RPGRIP1L: variants seen among roughly 807,000 people sequenced by gnomAD.
The protein encoded by RPGRIP1L is RPGRIP1 like.
In RPGRIP1L, 131 loss-of-function variants were observed where a neutral mutation model predicts 160.4. The observed-to-expected ratio is 0.82, with a 90% CI of 0.71 to 0.94. The LOEUF (loss-of-function observed/expected upper bound fraction) is 0.94, where lower values mean the gene tolerates loss of function less well. Ranked by LOEUF, RPGRIP1L falls within the 40% of genes least tolerant of loss-of-function variation. The pLI, the probability that RPGRIP1L is intolerant of heterozygous loss-of-function variation, is 0.00. For missense variants in RPGRIP1L, 1,522 were observed against 1,535.8 expected, an observed-to-expected ratio of 0.99 and a Z score of 0.15; for synonymous variants, 510 against 515.8, an observed-to-expected ratio of 0.99 and a Z score of 0.15.
intron 3 of RPGRIP1L, chr16:53,695,547 C>A (rs1970691784): frequency 6.4e-6 from 4 of 628,246 alleles, no homozygotes; most frequent in Non-Finnish European, 8.5e-6. Flanking sequence ...AAAATAGGCA[C>A]AGCATTTCTG....
chr16:53,698,334 C>T (rs865956623), intron 2 of RPGRIP1L, among the ~76,000 whole-genome samples: 5 of 143,104 alleles, frequency 3.5e-5, no homozygotes, highest in Admixed American at 2.0e-4. Context: ...GTCAGCCCCC[C>T]GCCCGGCCAG....
At chr16:53,617,194 A>G (rs1964441877) in intron 24 of RPGRIP1L, among the ~76,000 whole-genome samples, 2 of 151,964 alleles carry the variant, frequency 1.3e-5, no homozygotes, top group South Asian at 4.1e-4. Flanking sequence ...AGTTTGAGCT[A>G]AAGAAAGATT....
Position 53,697,269 on chromosome 16 carries a change from C to G in RPGRIP1L, c.86-974G>C, listed in dbSNP as rs144414599. Among the ~76,000 whole-genome samples, 789 of 152,136 alleles carry G rather than the reference C, an allele frequency of 5.2e-3. 8 individuals are homozygous for G. Among genetic ancestry groups the G allele is most frequent in the African/African-American group, 0.018 (750 of 41,512 alleles). On this transcript the variant is annotated intron_variant, in intron 2 of 26. Coordinates refer to ENST00000647211, the MANE Select transcript of RPGRIP1L (RefSeq NM_015272.5). ...GCTGCTTGAACAGGAACATCACTGA[C>G]AGAAAATTCATATGATCATTAAACA...
At chr16:53,685,107 A>T (rs1249665524) in intron 6 of RPGRIP1L, among the ~76,000 whole-genome samples, 1 of 151,572 alleles carries the variant, frequency 6.6e-6, no homozygotes, top group Non-Finnish European at 1.5e-5. Flanking sequence ...AAAAAAACAT[A>T]AAAAAAAAGC....
At chr16:53,666,592 G>GTGTGTGTA (rs1555608921) in intron 9 of RPGRIP1L, among the ~76,000 whole-genome samples, 4 of 147,356 alleles carry the variant, frequency 2.7e-5, no homozygotes, top group Admixed American at 2.1e-4. Context: ...GTGTGTGTGT[G>GTGTGTGTA]TATATATATA....
At chr16:53,674,426 C>T (rs1288056337) in intron 7 of RPGRIP1L, among the ~76,000 whole-genome samples, 1 of 152,044 alleles carries the variant, frequency 6.6e-6, no homozygotes, top group East Asian at 1.9e-4. Flanking sequence ...GGTCACAGTC[C>T]TTGTTAAAAC....
chr16:53,640,954 G>C, intron 19 of RPGRIP1L, 79 bp downstream of exon 19: 1 of 974,612 alleles, frequency 1.0e-6, no homozygotes, highest in Non-Finnish European at 1.6e-6. Flanking sequence ...TTTAAATCAG[G>C]TAGGGAATAA....
intron 6 of RPGRIP1L, among the ~76,000 whole-genome samples, chr16:53,683,544 A>G (rs1332187875): frequency 6.6e-6 from 1 of 152,126 alleles, no homozygotes; most frequent in Non-Finnish European, 1.5e-5. Flanking sequence ...CAGTGAGGTG[A>G]CATGATATCT....
intron 4 of RPGRIP1L, 108 bp from the exon 5 acceptor site, chr16:53,688,073 G>C (rs2151326378): frequency 1.3e-6 from 1 of 741,218 alleles, no homozygotes; most frequent in South Asian, 1.6e-5. Flanking sequence ...AGTATTAAGA[G>C]GTATGTGTTT....
chr16:53,641,329 C>G lies in RPGRIP1L; in HGVS notation c.2830G>C (p.Val944Leu). The G allele has an allele frequency of 6.2e-7, 1 of 1,614,062 alleles. No individual in the cohort carries two copies. Among genetic ancestry groups the G allele is most frequent in the Non-Finnish European group, 8.5e-7 (1 of 1,179,980 alleles). Residue 944 changes from valine (V) to leucine (L), a missense_variant, in exon 18 of 27, where the codon GTT becomes CTT. Val to Leu is a conservative substitution (Grantham distance 32, BLOSUM62 1). Coordinates refer to ENST00000647211, the MANE Select transcript of RPGRIP1L (RefSeq NM_015272.5). Reference sequence around the variant, plus strand: ...GAGGATGCTGGAGGAAGTCTTTGAACAACTTCTGGCTCTTCGCTGCGAATG... The same window carrying G: ...GAGGATGCTGGAGGAAGTCTTTGAAGAACTTCTGGCTCTTCGCTGCGAATG... The part of the protein sequence containing the change: ...NFIRSEEPEV[V>L]QRLPPASSVS...
intron 14 of RPGRIP1L, among the ~76,000 whole-genome samples, chr16:53,654,245 CATCA>C (rs1349651848): frequency 1.3e-5 from 2 of 152,174 alleles, no homozygotes; most frequent in East Asian, 3.9e-4. Context: ...GCTTCTACCT[CATCA>C]ATCAGGGTGA....
At chr16:53,640,791 T>A (rs1041603888) in intron 19 of RPGRIP1L, among the ~76,000 whole-genome samples, 1 of 150,348 alleles carries the variant, frequency 6.7e-6, no homozygotes, top group Non-Finnish European at 1.5e-5. Flanking sequence ...AAAAAAAAAA[T>A]AGGAGCAGAG....
At chr16:53,658,528 G>T (rs1376562115) in intron 11 of RPGRIP1L, 64 bp from the exon 12 acceptor site, 4 of 1,278,150 alleles carry the variant, frequency 3.1e-6, no homozygotes, top group Non-Finnish European at 4.6e-6. Context: ...GACATTCCAA[G>T]TATTCAAATT....
intron 2 of RPGRIP1L, among the ~76,000 whole-genome samples, chr16:53,698,324 G>C (rs1394870908): frequency 7.0e-6 from 1 of 143,450 alleles, no homozygotes; most frequent in Non-Finnish European, 1.5e-5. Flanking sequence ...AGGTGGGGGG[G>C]TCAGCCCCCC....
intron 22 of RPGRIP1L, among the ~76,000 whole-genome samples, chr16:53,631,015 G>A (rs1047559241): frequency 2.0e-5 from 3 of 152,098 alleles, no homozygotes; most frequent in African/African-American, 7.2e-5. Flanking sequence ...TTACAGGTGT[G>A]AGCCACCGCA....
chr16:53,701,976 T>C (rs935569350), intron 1 of RPGRIP1L, among the ~76,000 whole-genome samples: 2 of 152,194 alleles, frequency 1.3e-5, no homozygotes, highest in African/African-American at 2.4e-5. Flanking sequence ...AGTACTCCTA[T>C]AGAAAAGGTC....
chr16:53,698,654 G>A (rs192842670), intron 2 of RPGRIP1L, among the ~76,000 whole-genome samples: 1 of 120,274 alleles, frequency 8.3e-6, no homozygotes, highest in Non-Finnish European at 1.7e-5. Flanking sequence ...CAGCCGCCCC[G>A]TCGGGAGGGA....
intron 10 of RPGRIP1L, among the ~76,000 whole-genome samples, chr16:53,662,228 CTAA>C (rs1422641234): frequency 6.6e-6 from 1 of 152,154 alleles, no homozygotes; most frequent in Non-Finnish European, 1.5e-5. Flanking sequence ...CGCCTTTGTG[CTAA>C]TATCTTCAGC....
chr16:53,628,419 G>T (rs1219980355), intron 22 of RPGRIP1L: 11 of 152,026 alleles, frequency 7.2e-5, no homozygotes, highest in Admixed American at 7.2e-4. Flanking sequence ...CCTTCTTCAG[G>T]CTGGGCATGG....
Sources: gnomAD v4.1 joint callset for allele counts (sites outside exome capture counted in the v4.1 genomes callset) on GRCh38, gnomAD v4.1.1 for gene constraint, MANE v1.5 for transcripts, NCBI Gene and HGNC (gene_info 2026-07-23, HGNC 2026-07-21) for gene names.